The following ANKRD11 variants were observed in gnomAD, a reference collection of about 807,000 sequenced individuals.
ANKRD11 encodes ankyrin repeat domain 11, also known as ankyrin repeat domain-containing protein 11.
A neutral mutation model predicts 195.7 loss-of-function variants in ANKRD11; 17 were observed. That is an observed-to-expected ratio of 0.09 (90% CI 0.06 to 0.13). ANKRD11 has a LOEUF of 0.13. Among genes scored for constraint, ANKRD11 ranks in the 10% least tolerant of loss-of-function variants. The pLI is 1.00. For missense variants in ANKRD11, 3,735 were observed against 3,566.1 expected, an observed-to-expected ratio of 1.05 and a Z score of -1.21; for synonymous variants, 1,953 against 1,528.1, an observed-to-expected ratio of 1.28 and a Z score of -6.49.
intron 4 of ANKRD11, among the ~76,000 whole-genome samples, chr16:89,292,775 G>A (rs963284493): frequency 1.3e-5 from 2 of 152,228 alleles, no homozygotes; most frequent in African/African-American, 2.4e-5. Flanking sequence ...ACCGGCCAAT[G>A]AGCCCCAGCC....
At position 89,315,439 on chromosome 16, in the gene ANKRD11, G is replaced by A. The variant is rs765608971; in HGVS notation, c.87+1494C>T. ...CCTTTCTGCCTCACTGCTGAAGGCC[G>A]CACATCAGCACCCTGACCACCCACC... On this transcript the variant is annotated intron_variant, in intron 3 of 12. Transcript: ENST00000301030. Among the ~76,000 whole-genome samples the A allele has an allele frequency of 3.3e-5, 5 of 152,076 alleles. No homozygotes were observed. The South Asian group carries it at 6.2e-4, about 19-fold the overall frequency.
intron 2 of ANKRD11, among the ~76,000 whole-genome samples, chr16:89,379,706 G>A (rs936601459): frequency 1.3e-5 from 2 of 152,198 alleles, no homozygotes; most frequent in Non-Finnish European, 1.5e-5. Flanking sequence ...GAAGAGCTCC[G>A]TGCAGTGCAC....
At chr16:89,416,259 T>A (rs901977137) in intron 2 of ANKRD11, among the ~76,000 whole-genome samples, 3 of 152,128 alleles carry the variant, frequency 2.0e-5, no homozygotes, top group African/African-American at 7.2e-5. Flanking sequence ...GCTGATAGCT[T>A]GCTCCCCTTT....
intron 2 of ANKRD11, among the ~76,000 whole-genome samples, chr16:89,346,031 C>T (rs2038921279): frequency 6.6e-6 from 1 of 151,662 alleles, no homozygotes; most frequent in African/African-American, 2.4e-5. Flanking sequence ...CACTTGAGGT[C>T]AAGAGTTTGA....
intron 3 of ANKRD11, 57 bp from the exon 4 acceptor site, chr16:89,305,401 C>G (rs370484574): frequency 6.2e-7 from 1 of 1,611,588 alleles, no homozygotes; most frequent in Non-Finnish European, 8.5e-7. Flanking sequence ...CTCAAGCTCT[C>G]AAGATTTTGT....
chr16:89,464,331 G>A (rs1000030815), intron 1 of ANKRD11, among the ~76,000 whole-genome samples: 3 of 151,922 alleles, frequency 2.0e-5, no homozygotes, highest in African/African-American at 7.3e-5. Context: ...AAATCTGGCA[G>A]AGCGTGGTGG....
At chr16:89,473,081 C>T (rs951324275) in intron 1 of ANKRD11, among the ~76,000 whole-genome samples, 9 of 151,968 alleles carry the variant, frequency 5.9e-5, no homozygotes, top group African/African-American at 1.9e-4. Context: ...GTCCCAGCTA[C>T]CCAGGACAGC....
chr16:89,336,250 C>G (rs892200504), intron 2 of ANKRD11, among the ~76,000 whole-genome samples: 2 of 152,226 alleles, frequency 1.3e-5, no homozygotes, highest in African/African-American at 2.4e-5. Context: ...ATCAACAGAG[C>G]TGGACCTGGT....
At position 89,315,896 on chromosome 16, in the gene ANKRD11, G is replaced by A. The variant is rs1041941245; in HGVS notation, c.87+1037C>T. Among the ~76,000 whole-genome samples, 11 of 151,964 alleles carry A rather than the reference G, an allele frequency of 7.2e-5. 1 individual carries two copies. In the South Asian group the frequency reaches 8.3e-4, roughly 11 times the overall value. The stretch of plus-strand genomic sequence containing the variant: ...ACCAAACCCACAACATGAGCAGAGA[G>A]GCTGCAGCACAGCAGCACAGGAAGC... On this transcript the variant is annotated intron_variant, in intron 3 of 12. Transcript: ENST00000301030.
At chr16:89,466,349 G>C (rs1240603512) in intron 1 of ANKRD11, among the ~76,000 whole-genome samples, 1 of 152,208 alleles carries the variant, frequency 6.6e-6, no homozygotes, top group Non-Finnish European at 1.5e-5. Context: ...AAAGGGGGAA[G>C]GGGGACAAGG....
At position 89,291,928 on chromosome 16, in the gene ANKRD11, T is replaced by TAAA. The variant is rs1455457934; in HGVS notation, c.227-746_227-745insTTT. 4 of 458,356 alleles carry TAAA rather than the reference T, an allele frequency of 8.7e-6. No individual in the cohort carries two copies. Among genetic ancestry groups the TAAA allele is most frequent in the Non-Finnish European group, 1.6e-5 (4 of 247,644 alleles). The allele number at this position is 458,356 out of a possible 1,614,324, so 28.4% of individuals were successfully genotyped here. On this transcript the variant is annotated intron_variant, in intron 4 of 12. Transcript: ENST00000301030. This position sits in a 1 kb window ranked among gnomAD's most constrained non-coding sequence, Gnocchi z 5.3. Reference sequence around the variant, plus strand: ...CTAACGCAACTCACGTGCTGTGTCTTTTAAAAGAGGCAGGAGGCAGGGGCG... The same window carrying TAAA: ...CTAACGCAACTCACGTGCTGTGTCTTAAATTAAAAGAGGCAGGAGGCAGGGGCG...
intron 3 of ANKRD11, among the ~76,000 whole-genome samples, chr16:89,314,434 G>T (rs1279261578): frequency 3.9e-5 from 6 of 152,136 alleles, no homozygotes; most frequent in Non-Finnish European, 7.3e-5. Context: ...TTAAACAAGA[G>T]AACAACTCAA....
Position 89,285,501 on chromosome 16 carries a change from A to G in ANKRD11, c.1041T>C (p.Tyr347=). 1 of 1,614,080 alleles carries G rather than the reference A, an allele frequency of 6.2e-7. No homozygotes were observed. Among genetic ancestry groups the G allele is most frequent in the South Asian group, 1.1e-5 (1 of 91,088 alleles). Residue 347 remains tyrosine (Y), a synonymous_variant, in exon 9 of 13, where the codon TAT becomes TAC. Transcript: ENST00000301030. The surrounding 1 kb of genome is among the most constrained non-coding windows in gnomAD (Gnocchi z 5.6). ...QKATAPVKDE[Y]EFDEDDEQDR... is the part of the protein sequence containing the mutation. ...CCTGCTCGTCGTCCTCATCAAACTC[A>G]TACTCGTCCTTGACGGGGGCCGTGG...
At chr16:89,442,669 G>A (rs960088638) in intron 1 of ANKRD11, among the ~76,000 whole-genome samples, 1 of 152,234 alleles carries the variant, frequency 6.6e-6, no homozygotes, top group African/African-American at 2.4e-5. Flanking sequence ...ACAAAGGCCA[G>A]GTGCTGACAC....
Position 89,462,111 on chromosome 16 carries a change from G to A in ANKRD11, c.-145+28134C>T, listed in dbSNP as rs1022461595. Among the ~76,000 whole-genome samples the A allele has an allele frequency of 2.8e-5, 4 of 141,280 alleles. 1 individual carries two copies. The highest frequency in any genetic ancestry group is 7.8e-5 in the Admixed American group (1 of 12,852). The allele number at this position is 141,280 out of a possible 152,430, so 92.7% of individuals were successfully genotyped here. A position where few individuals can be genotyped will look rare whatever the true frequency, so the allele number is the denominator to read the frequency against. On this transcript the variant is annotated intron_variant, in intron 1 of 12. Transcript: ENST00000301030. Reference sequence around the variant, plus strand: ...GGTCTCCCTCTCCCTCTCTTTCCACGGTCTCCCTCTCATGCTGAGTCGAAG... The same window carrying A: ...GGTCTCCCTCTCCCTCTCTTTCCACAGTCTCCCTCTCATGCTGAGTCGAAG...
At chr16:89,400,841 C>T (rs890475314) in intron 2 of ANKRD11, among the ~76,000 whole-genome samples, 8 of 152,052 alleles carry the variant, frequency 5.3e-5, no homozygotes, top group African/African-American at 1.7e-4. Context: ...GGTCATCTGA[C>T]GGGAACCCCT....
At chr16:89,442,195 G>A (rs1226933844) in intron 1 of ANKRD11, among the ~76,000 whole-genome samples, 2 of 152,352 alleles carry the variant, frequency 1.3e-5, no homozygotes, top group East Asian at 1.9e-4. Context: ...CACCCCAGCT[G>A]ACAACGCACG....
intron 1 of ANKRD11, among the ~76,000 whole-genome samples, chr16:89,441,411 T>C (rs2043459513): frequency 1.3e-5 from 2 of 152,016 alleles, no homozygotes; most frequent in South Asian, 4.2e-4. Context: ...TGTCAGAATA[T>C]ATTCCATCAC....
At chr16:89,370,049 A>C (rs1478576868) in intron 2 of ANKRD11, among the ~76,000 whole-genome samples, 1 of 152,202 alleles carries the variant, frequency 6.6e-6, no homozygotes, top group Non-Finnish European at 1.5e-5. Context: ...CGAGAACGCA[A>C]ACCTTCTGGC....
Sources: allele counts gnomAD v4.1 joint callset (sites outside exome capture counted in the v4.1 genomes callset), GRCh38; gene constraint gnomAD v4.1.1; non-coding constraint Gnocchi (gnomAD v3.1); transcripts MANE v1.5; gene names NCBI Gene and HGNC (gene_info 2026-07-23, HGNC 2026-07-21).